CGNL1: variants seen among roughly 807,000 people sequenced by gnomAD.
CGNL1 encodes the protein cingulin-like protein 1.
In CGNL1, 132 loss-of-function variants were observed where a neutral mutation model predicts 141.2. The ratio of observed to expected loss-of-function variants is 0.93; its 90% CI spans 0.81 to 1.08. The LOEUF is 1.08. CGNL1 is among the 50% of genes least tolerant of loss of function. CGNL1 has a pLI of 0.00. For synonymous variants in CGNL1, 690 were observed against 622.1 expected, an observed-to-expected ratio of 1.11 and a Z score of -1.63; for missense variants, 1,870 against 1,588.6, an observed-to-expected ratio of 1.18 and a Z score of -3.01.
intron 1 of CGNL1, among the ~76,000 whole-genome samples, chr15:57,420,123 A>G (rs112555114): frequency 0.011 from 1,661 of 152,156 alleles, 14 homozygotes; most frequent in Non-Finnish European, 0.018. Context: ...AATTTCTGGC[A>G]CTGTAGGATA....
intron 1 of CGNL1, among the ~76,000 whole-genome samples, chr15:57,423,252 T>C (rs752019000): frequency 2.0e-5 from 3 of 152,114 alleles, no homozygotes; most frequent in African/African-American, 7.2e-5. Context: ...AAAGTAATAG[T>C]CCATAAAATT....
chr15:57,467,198 G>A (rs1166545704), intron 8 of CGNL1, among the ~76,000 whole-genome samples: 1 of 152,208 alleles, frequency 6.6e-6, no homozygotes, highest in Non-Finnish European at 1.5e-5. Flanking sequence ...GGGGAGATAT[G>A]TAACTCTCAA....
intron 8 of CGNL1, among the ~76,000 whole-genome samples, chr15:57,508,886 A>G (rs1268375336): frequency 2.0e-5 from 3 of 152,244 alleles, no homozygotes; most frequent in African/African-American, 7.2e-5. Flanking sequence ...TAGGTAATTC[A>G]TTAAAATTTG....
chr15:57,469,394 C>T lies in CGNL1; in HGVS notation c.2403+7502C>T, dbSNP rs56071433. 3.1e-3 allele frequency among the ~76,000 whole-genome samples: 461 copies of T among 148,960 alleles called. 2 individuals carry two copies. The highest frequency in any genetic ancestry group is 0.01 in the African/African-American group (423 of 40,472). On this transcript the variant is annotated intron_variant, in intron 8 of 18. Transcript: ENST00000281282. Reference sequence around the variant, plus strand: ...TGGGAGTCGTTGGACGGAGTGTGAGCGAGTGACAGAGAGAGAAAGAAGCGA... The same window carrying T: ...TGGGAGTCGTTGGACGGAGTGTGAGTGAGTGACAGAGAGAGAAAGAAGCGA...
intron 8 of CGNL1, among the ~76,000 whole-genome samples, chr15:57,504,918 G>A (rs190222641): frequency 6.6e-6 from 1 of 152,312 alleles, no homozygotes; most frequent in East Asian, 1.9e-4. Context: ...ACCCCAAGAT[G>A]GTTCCTTTTT....
rs982511358 is a variant in CGNL1, at chr15:57,543,266, C to A, written c.3292-430C>A. Among the ~76,000 whole-genome samples the A allele has an allele frequency of 3.3e-5, 5 of 149,590 alleles. No individual in the cohort carries two copies. In the East Asian group the frequency reaches 7.8e-4, roughly 23 times the overall value. ...TTCACGTGGCCGTCTTCCCTGTGTA[C>A]GTGTTTGTCTCTGCATCCAAATTTC... On this transcript the variant is annotated intron_variant, in intron 14 of 18. Transcript: ENST00000281282.
At chr15:57,450,554 G>T (rs1281982965) in intron 4 of CGNL1, among the ~76,000 whole-genome samples, 3 of 152,212 alleles carry the variant, frequency 2.0e-5, no homozygotes, top group Non-Finnish European at 4.4e-5. Context: ...TGGGATTACT[G>T]CATGAGCCGC....
intron 1 of CGNL1, among the ~76,000 whole-genome samples, chr15:57,404,205 A>C (rs1233838630): frequency 6.6e-6 from 1 of 152,110 alleles, no homozygotes; most frequent in Non-Finnish European, 1.5e-5. Flanking sequence ...TATTTCTCTC[A>C]CTTGCTTCTC....
intron 1 of CGNL1, chr15:57,393,810 G>T (rs1396667525): frequency 1.3e-5 from 2 of 152,054 alleles, no homozygotes; most frequent in East Asian, 3.9e-4. Flanking sequence ...TGACTAAGTG[G>T]TGTAATTTTA....
chr15:57,431,864 C>T (rs1775470887), intron 1 of CGNL1, among the ~76,000 whole-genome samples: 1 of 152,136 alleles, frequency 6.6e-6, no homozygotes, highest in Non-Finnish European at 1.5e-5. Context: ...GAGGTTTTAG[C>T]TCATGTTTAT....
Position 57,438,231 on chromosome 15 carries a change from C to T in CGNL1, c.232C>T (p.Pro78Ser), listed in dbSNP as rs1196328442. The change falls in exon 2 of 19, where the codon CCT (proline) becomes TCT (serine). Residue 78 changes from proline (P) to serine (S), a missense_variant. Physicochemically the swap from Pro to Ser is moderately conservative, Grantham distance 74. Coordinates refer to ENST00000281282, the MANE Select transcript of CGNL1 (RefSeq NM_032866.5). Reference sequence around the variant, plus strand: ...TTCTGAAAATGGGCCACCCTTTCCACCTCCAGTGATAAATAACCTGCCTCT... The same window carrying T: ...TTCTGAAAATGGGCCACCCTTTCCATCTCCAGTGATAAATAACCTGCCTCT... ...SFSENGPPFP[P>S]PVINNLPLHS... 6.2e-7 allele frequency: 1 copy of T among 1,614,192 alleles called. No individual in the cohort carries two copies. The highest frequency in any genetic ancestry group is 8.5e-7 in the Non-Finnish European group (1 of 1,180,026).
At position 57,438,160 on chromosome 15, in the gene CGNL1, A is replaced by T. The variant is rs756984832; in HGVS notation, c.161A>T (p.Tyr54Phe). The stretch of plus-strand genomic sequence containing the variant: ...GTCCAGGGAATTGATGGTCACCCCT[A>T]TATTGTCCTGAATAACACAGAACGG... ...IRVQGIDGHP[Y>F]IVLNNTERCL... Residue 54 changes from tyrosine (Y) to phenylalanine (F), a missense_variant, in exon 2 of 19, where the codon TAT (tyrosine) becomes TTT (phenylalanine). By Grantham distance (22) the Tyr-to-Phe change is conservative. Coordinates refer to ENST00000281282, the MANE Select transcript of CGNL1 (RefSeq NM_032866.5). 1 of 1,614,132 alleles carries T rather than the reference A, an allele frequency of 6.2e-7. No individual in the cohort carries two copies. Among genetic ancestry groups the T allele is most frequent in the East Asian group, 2.2e-5 (1 of 44,872 alleles).
chr15:57,516,818 G>A lies in CGNL1; in HGVS notation c.2442G>A (p.Glu814=). Residue 814 remains glutamate, a synonymous_variant, in exon 9 of 19, where the codon GAG becomes GAA. Transcript: ENST00000281282. ...EVLASRSNTS[E]QDQAGTEMRV... Reference sequence around the variant, plus strand: ...TGGCGAGCAGGAGCAACACTTCAGAGCAAGACCAGGCGGGGACTGAAATGC... The same window carrying A: ...TGGCGAGCAGGAGCAACACTTCAGAACAAGACCAGGCGGGGACTGAAATGC... 24 of 1,614,196 alleles carry A rather than the reference G, an allele frequency of 1.5e-5. No homozygotes were observed. Among genetic ancestry groups the A allele is most frequent in the Non-Finnish European group, 1.9e-5 (23 of 1,180,044 alleles).
intron 14 of CGNL1, among the ~76,000 whole-genome samples, chr15:57,540,712 G>T (rs2032519412): frequency 1.3e-5 from 2 of 152,174 alleles, no homozygotes; most frequent in African/African-American, 4.8e-5. Flanking sequence ...CTGTCATAGT[G>T]ACACTGACCT....
chr15:57,522,537 A>G (rs2031333658), intron 10 of CGNL1, among the ~76,000 whole-genome samples: 1 of 152,194 alleles, frequency 6.6e-6, no homozygotes, highest in Non-Finnish European at 1.5e-5. Context: ...GTGCCTGACA[A>G]CGTTTTCGAG....
chr15:57,546,295 G>T, intron 18 of CGNL1, 56 bp downstream of exon 18: 3 of 1,494,856 alleles, frequency 2.0e-6, no homozygotes, highest in East Asian at 2.5e-5. Flanking sequence ...GTTGAGACAG[G>T]CTCTGCTTTC....
intron 1 of CGNL1, among the ~76,000 whole-genome samples, chr15:57,430,408 CT>C (rs1159640751): frequency 6.6e-6 from 1 of 152,106 alleles, no homozygotes; most frequent in Non-Finnish European, 1.5e-5. Context: ...TTATCTAACA[CT>C]TTTTTTGGGA....
At chr15:57,453,999 T>C (rs2063351154) in intron 7 of CGNL1, among the ~76,000 whole-genome samples, 181 bp downstream of exon 7, 1 of 152,212 alleles carries the variant, frequency 6.6e-6, no homozygotes, top group East Asian at 1.9e-4. Context: ...CATTTGCTAA[T>C]TATTATGGGT....
At chr15:57,503,888 C>A (rs766633524) in intron 8 of CGNL1, among the ~76,000 whole-genome samples, 19 of 152,126 alleles carry the variant, frequency 1.2e-4, no homozygotes, top group Non-Finnish European at 1.2e-4. Flanking sequence ...TGGGTCCCTC[C>A]CACAACACGT....
Sources: gnomAD v4.1 joint callset for allele counts (sites outside exome capture counted in the v4.1 genomes callset) on GRCh38, gnomAD v4.1.1 for gene constraint, MANE v1.5 for transcripts, NCBI Gene and HGNC (gene_info 2026-07-23, HGNC 2026-07-21) for gene names.